Variants in RUBCNL observed in about 807,000 individuals in gnomAD.
The protein encoded by RUBCNL is rubicon like autophagy enhancer.
In RUBCNL, 62 loss-of-function variants were observed where a neutral mutation model predicts 69.5. That is an observed-to-expected ratio of 0.89 (90% CI 0.73 to 1.10). The LOEUF is 1.10. RUBCNL is among the 50% of genes least tolerant of loss of function. The pLI is 0.00. For missense variants in RUBCNL, 768 were observed against 798.1 expected (o/e 0.96, Z 0.45); for synonymous variants, 291 against 303.6 (o/e 0.96, Z 0.43).
intron 1 of RUBCNL, among the ~76,000 whole-genome samples, chr13:46,382,069 G>T (rs1409321867): frequency 1.3e-5 from 2 of 152,154 alleles, no homozygotes; most frequent in Non-Finnish European, 2.9e-5. Context: ...CCAAAGTGCT[G>T]GGATTATAGG....
chr13:46,362,957 T>TATATATATAG (rs2048660390), intron 6 of RUBCNL, among the ~76,000 whole-genome samples, 158 bp downstream of exon 6: 2 of 72,190 alleles, frequency 2.8e-5, no homozygotes, highest in African/African-American at 7.1e-5. Flanking sequence ...TATATATATA[T>TATATATATAG]ATATATATAT....
At chr13:46,355,071 G>T (rs1319638777) in intron 10 of RUBCNL, among the ~76,000 whole-genome samples, 1 of 152,204 alleles carries the variant, frequency 6.6e-6, no homozygotes, top group African/African-American at 2.4e-5. Flanking sequence ...TGTAGGAGAG[G>T]AAGCCCAGAT....
Position 46,371,946 on chromosome 13 carries a change from TCAG to T in RUBCNL, c.527_529del (p.Ala176del), listed in dbSNP as rs778976651. On this transcript the variant is annotated inframe_deletion, in exon 3 of 15. Coordinates refer to ENST00000429979, the MANE Select transcript of RUBCNL (RefSeq NM_025113.5). ...AGGTCACCTACTAAAATTACCTTCA[TCAG>T]CAGCAGATGTCAGATGGGAAGGCTC... The T allele has an allele frequency of 6.8e-6, 11 of 1,613,700 alleles. No individual in the cohort carries two copies. In the African/African-American group the frequency reaches 1.5e-4, roughly 22 times the overall value.
intron 2 of RUBCNL, among the ~76,000 whole-genome samples, chr13:46,373,590 C>T (rs75217525): frequency 0.026 from 3,971 of 152,278 alleles, 86 homozygotes; most frequent in East Asian, 0.098. Context: ...ATTACAGGCT[C>T]GGGAAATGTT....
chr13:46,348,352 A>G (rs754502431), intron 12 of RUBCNL, among the ~76,000 whole-genome samples: 2 of 152,198 alleles, frequency 1.3e-5, no homozygotes. Context: ...TATTTACCAC[A>G]ATTTAATGAT....
At chr13:46,377,159 A>T (rs541199974) in intron 2 of RUBCNL, among the ~76,000 whole-genome samples, 13 of 152,294 alleles carry the variant, frequency 8.5e-5, no homozygotes, top group Admixed American at 7.2e-4. Context: ...TTTTCTACAC[A>T]TATCTTTTGT....
chr13:46,356,997 G>C (rs552359129), intron 9 of RUBCNL, among the ~76,000 whole-genome samples: 119 of 149,010 alleles, frequency 8.0e-4, no homozygotes, highest in African/African-American at 2.8e-3. Context: ...CCAAAGTGCT[G>C]GAATTACAGG....
At position 46,386,935 on chromosome 13, in the gene RUBCNL, A is replaced by G. The variant is rs187114478; in HGVS notation, c.-239+199T>C. Among the ~76,000 whole-genome samples the G allele has an allele frequency of 6.4e-3, 976 of 152,056 alleles. 10 individuals are homozygous for G. Among genetic ancestry groups the G allele is most frequent in the Middle Eastern group, 0.045 (13 of 290 alleles). On this transcript the variant is annotated intron_variant, in intron 1 of 14. Transcript: ENST00000429979. ...GATAGAAATCCGCCACCCCGCGAGG[A>G]GCCCCTTCCTACTGTCTCCAAGGGG...
chr13:46,351,515 C>A (rs1029528348), intron 10 of RUBCNL, among the ~76,000 whole-genome samples: 3 of 152,062 alleles, frequency 2.0e-5, no homozygotes, highest in Admixed American at 2.0e-4. Flanking sequence ...AACAGGCACA[C>A]ATAGTGATAT....
At chr13:46,370,585 C>T (rs1017174109) in intron 3 of RUBCNL, among the ~76,000 whole-genome samples, 2 of 152,196 alleles carry the variant, frequency 1.3e-5, no homozygotes, top group Non-Finnish European at 2.9e-5. Flanking sequence ...TCTAAAGGCA[C>T]TGACAGGAGC....
rs1768361502 is a variant in RUBCNL, at chr13:46,334,768, G to C, written c.*8617C>G. 6.6e-6 allele frequency among the ~76,000 whole-genome samples: 1 copy of C among 152,176 alleles called. No individual in the cohort carries two copies. The highest frequency in any genetic ancestry group is 2.4e-5 in the African/African-American group (1 of 41,436). On this transcript the variant is annotated 3_prime_UTR_variant, in exon 15 of 15. Transcript: ENST00000429979. ...TTTCATAACTTATATCATTTAATCT[G>C]TACGACAACCTTGTGAGACAGATTG...
Position 46,368,052 on chromosome 13 carries a change from A to G in RUBCNL, c.816T>C (p.Ser272=). 6.2e-7 allele frequency: 1 copy of G among 1,613,814 alleles called. No individual in the cohort carries two copies. Among genetic ancestry groups the G allele is most frequent in the Non-Finnish European group, 8.5e-7 (1 of 1,179,760 alleles). ...ATTTGCCCAACTTGCCTTCATAGCC[A>G]CTGTATGAAGAAGTAGAAGACCCAG... The part of the protein sequence containing the change: ...QESGSSTSSY[S]GYEGCAVLQV... The change falls in exon 5 of 15, where the codon AGT becomes AGC. Residue 272 remains serine (S), a synonymous_variant. Transcript: ENST00000429979.
intron 9 of RUBCNL, among the ~76,000 whole-genome samples, chr13:46,358,872 A>G (rs899328205): frequency 6.6e-6 from 1 of 152,058 alleles, no homozygotes; most frequent in Non-Finnish European, 1.5e-5. Flanking sequence ...CCTCTGTAAC[A>G]TTTCTTAACT....
At chr13:46,367,148 C>A (rs770768934) in intron 5 of RUBCNL, among the ~76,000 whole-genome samples, 2 of 152,184 alleles carry the variant, frequency 1.3e-5, no homozygotes, top group African/African-American at 2.4e-5. Context: ...CGGGGAAGAG[C>A]CCCCAGGTCC....
intron 2 of RUBCNL, among the ~76,000 whole-genome samples, chr13:46,375,917 A>T (rs1240217000): frequency 6.6e-6 from 1 of 152,096 alleles, no homozygotes; most frequent in African/African-American, 2.4e-5. Flanking sequence ...AGCAAGACTA[A>T]CGCCTCTTTT....
intron 7 of RUBCNL, 135 bp from the exon 8 acceptor site, chr13:46,361,708 C>G (rs1429004436): frequency 5.1e-6 from 4 of 784,656 alleles, no homozygotes; most frequent in Non-Finnish European, 8.0e-6. Flanking sequence ...ACGCATGAAT[C>G]ACTCACCAGG....
intron 6 of RUBCNL, among the ~76,000 whole-genome samples, chr13:46,362,839 C>T (rs532580021): frequency 1.3e-5 from 2 of 148,204 alleles, no homozygotes; most frequent in South Asian, 2.1e-4. Context: ...AAGAGATATC[C>T]GACCATAATG....
In RUBCNL at chr13:46,377,510, C is replaced by A. The variant is rs1292904487; in HGVS notation, c.-123+380G>T. ...AACTCCTGACATCAAGTGATCCACC[C>A]AACTCGGCCTTCCAAAGCGCTGGAT... On this transcript the variant is annotated intron_variant, in intron 2 of 14. Coordinates refer to ENST00000429979, the MANE Select transcript of RUBCNL (RefSeq NM_025113.5). Among the ~76,000 whole-genome samples the A allele has an allele frequency of 2.0e-5, 3 of 152,324 alleles. No individual in the cohort carries two copies. In the East Asian group the frequency reaches 5.8e-4, roughly 29 times the overall value.
At chr13:46,381,897 C>T (rs960571585) in intron 1 of RUBCNL, among the ~76,000 whole-genome samples, 4 of 152,286 alleles carry the variant, frequency 2.6e-5, no homozygotes, top group Admixed American at 6.5e-5. Flanking sequence ...CTTGACCTCC[C>T]GGGCTCTAGT....
Sources: allele counts gnomAD v4.1 joint callset (sites outside exome capture counted in the v4.1 genomes callset), GRCh38; gene constraint gnomAD v4.1.1; transcripts MANE v1.5; gene names NCBI Gene and HGNC (gene_info 2026-07-23, HGNC 2026-07-21).